MEOX2: variants seen among roughly 807,000 people sequenced by gnomAD.
MEOX2 encodes the protein mesenchyme homeobox 2.
In MEOX2, 11 loss-of-function variants were observed where a neutral mutation model predicts 27.0. The ratio of observed to expected loss-of-function variants is 0.41; its 90% CI spans 0.26 to 0.68. The LOEUF (loss-of-function observed/expected upper bound fraction) is 0.68, where lower values mean the gene tolerates loss of function less well. Among genes scored for constraint, MEOX2 ranks in the 30% least tolerant of loss-of-function variants. MEOX2 has a pLI of 0.33. For missense variants in MEOX2, 436 were observed against 385.4 expected (o/e 1.13, Z -1.10); for synonymous variants, 189 against 155.4 (o/e 1.22, Z -1.61).
intron 2 of MEOX2, among the ~76,000 whole-genome samples, chr7:15,618,214 TC>T (rs1381876578): frequency 5.3e-5 from 8 of 152,074 alleles, no homozygotes; most frequent in Non-Finnish European, 1.2e-4. Flanking sequence ...AATTCACTAT[TC>T]TTAATCCCAT....
At chr7:15,620,692 C>T (rs571029477) in intron 2 of MEOX2, among the ~76,000 whole-genome samples, 1 of 152,306 alleles carries the variant, frequency 6.6e-6, no homozygotes, top group South Asian at 2.1e-4. Flanking sequence ...AAATACTTGG[C>T]ATTGGGCCAT....
At chr7:15,627,188 G>A (rs1445900423) in intron 1 of MEOX2, among the ~76,000 whole-genome samples, 1 of 151,954 alleles carries the variant, frequency 6.6e-6, no homozygotes, top group East Asian at 1.9e-4. Context: ...ACTGCTTGTA[G>A]TATGATATTA....
intron 2 of MEOX2, among the ~76,000 whole-genome samples, chr7:15,621,152 A>G (rs892531255): frequency 6.6e-6 from 1 of 152,150 alleles, no homozygotes; most frequent in Non-Finnish European, 1.5e-5. Context: ...ATTCGGGGTG[A>G]CTCTGACAAT....
chr7:15,615,719 A>T (rs1781113835), intron 2 of MEOX2, among the ~76,000 whole-genome samples: 1 of 152,036 alleles, frequency 6.6e-6, no homozygotes, highest in Non-Finnish European at 1.5e-5. Flanking sequence ...TAATATTGGA[A>T]TCATAAGCCT....
At chr7:15,614,824 G>T (rs888637047) in intron 2 of MEOX2, among the ~76,000 whole-genome samples, 1 of 151,892 alleles carries the variant, frequency 6.6e-6, no homozygotes, top group African/African-American at 2.4e-5. Flanking sequence ...ATAGTGCTAT[G>T]GAGACAGTGA....
chr7:15,682,113 A>T (rs755100303), intron 1 of MEOX2: 1 of 151,820 alleles, frequency 6.6e-6, no homozygotes, highest in African/African-American at 2.4e-5. Flanking sequence ...TTAGTCTACC[A>T]GTCCAAGATA....
chr7:15,631,260 G>A (rs1322858808), intron 1 of MEOX2, among the ~76,000 whole-genome samples: 1 of 151,532 alleles, frequency 6.6e-6, no homozygotes, highest in South Asian at 2.1e-4. Flanking sequence ...TACCTGCTGA[G>A]CAGTGATTAT....
At chr7:15,638,357 T>C (rs753318243) in intron 1 of MEOX2, among the ~76,000 whole-genome samples, 1 of 152,198 alleles carries the variant, frequency 6.6e-6, no homozygotes, top group South Asian at 2.1e-4. Context: ...CTTTTATTTA[T>C]GTACGTTTGT....
chr7:15,665,028 T>C (rs942633573), intron 1 of MEOX2, among the ~76,000 whole-genome samples: 1 of 148,244 alleles, frequency 6.7e-6, no homozygotes, highest in Non-Finnish European at 1.5e-5. Context: ...ACAGATTTAT[T>C]ATTAAGTGGA....
chr7:15,636,372 C>T (rs2115367410), intron 1 of MEOX2, among the ~76,000 whole-genome samples: 1 of 151,924 alleles, frequency 6.6e-6, no homozygotes, highest in African/African-American at 2.4e-5. Context: ...AAATTATAAA[C>T]AATAATAAAT....
At chr7:15,675,204 G>T (rs2115393671) in intron 1 of MEOX2, among the ~76,000 whole-genome samples, 1 of 152,192 alleles carries the variant, frequency 6.6e-6, no homozygotes, top group African/African-American at 2.4e-5. Context: ...CACATTGCCA[G>T]CTATTAAACT....
At position 15,611,715 on chromosome 7, in the gene MEOX2, G is replaced by A. The variant is rs1280602750; in HGVS notation, c.*672C>T. 2 of 153,100 alleles carry A rather than the reference G, an allele frequency of 1.3e-5. No individual in the cohort carries two copies. The highest frequency in any genetic ancestry group is 4.8e-5 in the African/African-American group (2 of 41,436). The allele number at this position is 153,100 out of a possible 1,614,324, so 9.5% of individuals were successfully genotyped here. On this transcript the variant is annotated 3_prime_UTR_variant, in exon 3 of 3. Transcript: ENST00000262041. ...AGGTAAGCACATACTGATTGTCTCT[G>A]GGATGACAAAATGTATAAAAAAGAC...
At chr7:15,631,759 A>G (rs1250090158) in intron 1 of MEOX2, among the ~76,000 whole-genome samples, 1 of 151,846 alleles carries the variant, frequency 6.6e-6, no homozygotes, top group African/African-American at 2.4e-5. Context: ...ATGGGAAAGT[A>G]TGAAGATTTG....
At chr7:15,643,382 A>G (rs1781593349) in intron 1 of MEOX2, among the ~76,000 whole-genome samples, 1 of 152,206 alleles carries the variant, frequency 6.6e-6, no homozygotes, top group Admixed American at 6.5e-5. Flanking sequence ...TCTCCAAGGC[A>G]GGTACAAGCA....
intron 2 of MEOX2, among the ~76,000 whole-genome samples, chr7:15,617,138 T>C (rs1182879076): frequency 6.6e-6 from 1 of 152,046 alleles, no homozygotes; most frequent in Non-Finnish European, 1.5e-5. Flanking sequence ...TAAATGTCTG[T>C]GTTTTGAAGA....
In MEOX2 at chr7:15,654,639, C is replaced by T. The variant is rs747463978; in HGVS notation, c.518-27721G>A. ...CTTGAAATTTGTCAAATATTTCTTC[C>T]GCCACCAACTGGTTTAATCATGAGA... is the stretch of plus-strand genomic sequence containing the variant. On this transcript the variant is annotated intron_variant, in intron 1 of 2. Transcript: ENST00000262041. 1.4e-4 allele frequency among the ~76,000 whole-genome samples: 22 copies of T among 151,730 alleles called. No individual in the cohort carries two copies. The East Asian group carries it at 2.5e-3, about 17-fold the overall frequency.
intron 1 of MEOX2, among the ~76,000 whole-genome samples, chr7:15,637,589 TC>T (rs1781501465): frequency 6.6e-6 from 1 of 151,950 alleles, no homozygotes. Flanking sequence ...TTGCAATACT[TC>T]TCAATAAGCA....
At chr7:15,638,622 C>T (rs1319743503) in intron 1 of MEOX2, among the ~76,000 whole-genome samples, 1 of 151,684 alleles carries the variant, frequency 6.6e-6, no homozygotes, top group Non-Finnish European at 1.5e-5. Context: ...GTATTTTTTA[C>T]CCTCTCCTCC....
intron 1 of MEOX2, among the ~76,000 whole-genome samples, chr7:15,674,138 T>C (rs1782155207): frequency 6.6e-6 from 1 of 152,170 alleles, no homozygotes; most frequent in African/African-American, 2.4e-5. Flanking sequence ...CATTAGCCGG[T>C]CCCTGTGTCA....
Sources: allele counts gnomAD v4.1 joint callset (sites outside exome capture counted in the v4.1 genomes callset), GRCh38; gene constraint gnomAD v4.1.1; transcripts MANE v1.5; gene names NCBI Gene and HGNC (gene_info 2026-07-23, HGNC 2026-07-21).